LUZP2: variants seen among roughly 807,000 people sequenced by gnomAD.
LUZP2 encodes leucine zipper protein 2.
In LUZP2, 52 loss-of-function variants were observed where a neutral mutation model predicts 51.6. The observed-to-expected ratio is 1.01, with a 90% confidence interval of 0.81 to 1.27. The LOEUF (loss-of-function observed/expected upper bound fraction) is 1.27. Among genes scored for constraint, LUZP2 ranks in the 50% most tolerant of loss-of-function variants. LUZP2 has a pLI of 0.00. For synonymous variants in LUZP2, 154 were observed against 137.3 expected, an observed-to-expected ratio of 1.12 and a Z score of -0.85; for missense variants, 436 against 395.4, an observed-to-expected ratio of 1.10 and a Z score of -0.87.
chr11:25,003,108 C>G (rs11529795), intron 9 of LUZP2, among the ~76,000 whole-genome samples: 61,851 of 152,042 alleles, frequency 0.41, 13,817 homozygotes, highest in Non-Finnish European at 0.5. Context: ...AACCTAGACA[C>G]CTTGTACACT....
chr11:24,922,093 G>A (rs2133817466), intron 7 of LUZP2, among the ~76,000 whole-genome samples: 1 of 152,154 alleles, frequency 6.6e-6, no homozygotes, highest in African/African-American at 2.4e-5. Context: ...GGGGCATCAT[G>A]AATTAAGTAC....
rs554657420 is a variant in LUZP2, at chr11:24,848,013, G to A, written c.397-57978G>A. Among the ~76,000 whole-genome samples the A allele has an allele frequency of 6.6e-5, 10 of 152,146 alleles. No homozygotes were observed. The South Asian group carries it at 2.1e-3, about 32-fold the overall frequency. On this transcript the variant is annotated intron_variant, in intron 5 of 11. Transcript: ENST00000336930. ...ACATAGAATCATTTAAGATCACTTT[G>A]ACTTTTATCTGACTCAGTCTGAAGT...
intron 5 of LUZP2, among the ~76,000 whole-genome samples, chr11:24,798,572 CT>C (rs1464304992): frequency 6.6e-6 from 1 of 152,144 alleles, no homozygotes; most frequent in Non-Finnish European, 1.5e-5. Flanking sequence ...TCCCATCTGC[CT>C]TGTGTGCAAT....
intron 10 of LUZP2, among the ~76,000 whole-genome samples, chr11:25,068,908 C>G (rs146007245): frequency 1.3e-5 from 2 of 152,062 alleles, no homozygotes; most frequent in Non-Finnish European, 2.9e-5. Flanking sequence ...CCTCATGACT[C>G]TATCTCAAAA....
chr11:24,759,727 G>A (rs1226931457), intron 4 of LUZP2, among the ~76,000 whole-genome samples: 1 of 152,158 alleles, frequency 6.6e-6, no homozygotes, highest in Admixed American at 6.6e-5. Flanking sequence ...AAATGCTTGT[G>A]TAGAAAAGAA....
At chr11:24,899,159 G>T (rs1264101256) in intron 5 of LUZP2, among the ~76,000 whole-genome samples, 2 of 152,010 alleles carry the variant, frequency 1.3e-5, no homozygotes, top group East Asian at 3.9e-4. Flanking sequence ...CATGTGTAAT[G>T]ACCTCATCAG....
At chr11:24,600,863 T>G (rs1375213997) in intron 1 of LUZP2, among the ~76,000 whole-genome samples, 1 of 152,038 alleles carries the variant, frequency 6.6e-6, no homozygotes, top group African/African-American at 2.4e-5. Flanking sequence ...AAACAAAAAG[T>G]AAAATTACTG....
intron 5 of LUZP2, among the ~76,000 whole-genome samples, chr11:24,782,514 C>T (rs576097974): frequency 6.6e-6 from 1 of 151,982 alleles, no homozygotes; most frequent in East Asian, 1.9e-4. Context: ...AATAGAGCAT[C>T]TGAAAAAAAA....
chr11:24,909,309 A>G (rs1468538297), intron 6 of LUZP2, among the ~76,000 whole-genome samples: 2 of 152,042 alleles, frequency 1.3e-5, no homozygotes, highest in Non-Finnish European at 2.9e-5. Context: ...TATTCTGTAC[A>G]TTCAGAATAT....
intron 5 of LUZP2, among the ~76,000 whole-genome samples, chr11:24,858,261 C>T (rs1340508074): frequency 2.0e-5 from 3 of 152,160 alleles, no homozygotes; most frequent in Non-Finnish European, 4.4e-5. Context: ...ATTTTGTGAT[C>T]TAAGCCTTGT....
intron 4 of LUZP2, among the ~76,000 whole-genome samples, chr11:24,743,214 A>G (rs1274713514): frequency 6.6e-6 from 1 of 152,026 alleles, no homozygotes; most frequent in East Asian, 1.9e-4. Context: ...GTTTTTTTCT[A>G]ATTCTGAGAA....
At chr11:24,670,358 C>T (rs191202903) in intron 1 of LUZP2, among the ~76,000 whole-genome samples, 274 of 152,084 alleles carry the variant, frequency 1.8e-3, no homozygotes, top group African/African-American at 6.4e-3. Flanking sequence ...TACAAGTTAA[C>T]CCTAGAATGT....
At chr11:25,031,357 C>T (rs766383305) in intron 9 of LUZP2, among the ~76,000 whole-genome samples, 2 of 151,974 alleles carry the variant, frequency 1.3e-5, no homozygotes, top group Non-Finnish European at 2.9e-5. Context: ...ACTATTTCTT[C>T]AGTAAATATT....
Position 24,734,350 on chromosome 11 carries a change from C to T in LUZP2, c.251+2162C>T, listed in dbSNP as rs1436685349. 5.7e-5 allele frequency among the ~76,000 whole-genome samples: 7 copies of T among 122,646 alleles called. No homozygotes were observed. The East Asian group carries it at 6.5e-4, about 11-fold the overall frequency. 80.5% of individuals were successfully genotyped at this position (122,646 alleles called of 152,430 possible). A position where few individuals can be genotyped will look rare whatever the true frequency, so the allele number is the denominator to read the frequency against. ...TATCTATGTCTGATTCACATGACACCAAAAACAACACAAAAATCAGGAAAA... is the reference window on the plus strand; with the variant it reads ...TATCTATGTCTGATTCACATGACACTAAAAACAACACAAAAATCAGGAAAA... On this transcript the variant is annotated intron_variant, in intron 3 of 11. Transcript: ENST00000336930.
At chr11:25,014,414 G>A (rs1415224217) in intron 9 of LUZP2, among the ~76,000 whole-genome samples, 2 of 152,122 alleles carry the variant, frequency 1.3e-5, no homozygotes, top group African/African-American at 2.4e-5. Flanking sequence ...AGCACCTGTT[G>A]TTTCCTGACT....
rs117801199 is a variant in LUZP2, at chr11:24,555,945, T to C, written c.62+58640T>C. 3.3e-3 allele frequency among the ~76,000 whole-genome samples: 506 copies of C among 152,304 alleles called. 2 individuals carry two copies. Among genetic ancestry groups the C allele is most frequent in the Non-Finnish European group, 5.9e-3 (401 of 68,028 alleles). ...GTGAGCCATGATCGTGCCACTGCAC[T>C]CCAGTGTGGGCAACAGAGCAAGAGC... On this transcript the variant is annotated intron_variant, in intron 1 of 11. Coordinates refer to ENST00000336930, the MANE Select transcript of LUZP2 (RefSeq NM_001009909.4).
At chr11:24,580,947 A>G (rs530457429) in intron 1 of LUZP2, among the ~76,000 whole-genome samples, 1 of 152,214 alleles carries the variant, frequency 6.6e-6, no homozygotes, top group East Asian at 1.9e-4. Flanking sequence ...ACCAAGTATA[A>G]GAAAAAAACT....
At chr11:24,864,139 G>A (rs916869527) in intron 5 of LUZP2, among the ~76,000 whole-genome samples, 5 of 151,988 alleles carry the variant, frequency 3.3e-5, no homozygotes, top group African/African-American at 1.2e-4. Flanking sequence ...CCCAATAATG[G>A]TAATAGTGCT....
At chr11:24,921,928 A>G (rs1240509436) in intron 7 of LUZP2, among the ~76,000 whole-genome samples, 2 of 152,088 alleles carry the variant, frequency 1.3e-5, no homozygotes, top group African/African-American at 2.4e-5. Flanking sequence ...AGACAGGAAA[A>G]TTTATGTGAT....
Sources: gnomAD v4.1 joint callset for allele counts (sites outside exome capture counted in the v4.1 genomes callset) on GRCh38, gnomAD v4.1.1 for gene constraint, MANE v1.5 for transcripts, NCBI Gene and HGNC (gene_info 2026-07-23, HGNC 2026-07-21) for gene names.